AMZ2: variants seen among roughly 807,000 people sequenced by gnomAD.
AMZ2 encodes archaelysin family metallopeptidase 2.
AMZ2 carries 26 observed loss-of-function variants against 36.7 expected under a neutral mutation model. The ratio of observed to expected loss-of-function variants is 0.71; its 90% CI spans 0.52 to 0.98. The LOEUF is 0.98. Ranked by LOEUF, AMZ2 falls within the 50% of genes least tolerant of loss-of-function variation. The pLI, the probability that AMZ2 is intolerant of heterozygous loss-of-function variation, is 0.00. For missense variants in AMZ2, 394 were observed against 430.5 expected, an observed-to-expected ratio of 0.92 and a Z score of 0.75; for synonymous variants, 144 against 149.1, an observed-to-expected ratio of 0.97 and a Z score of 0.25.
At chr17:68,214,472 C>T (rs565313140) in intron 1 of AMZ2, among the ~76,000 whole-genome samples, 2 of 152,124 alleles carry the variant, frequency 1.3e-5, no homozygotes, top group Non-Finnish European at 2.9e-5. Flanking sequence ...CTGTACAGTA[C>T]CTTTCTTCAC....
At chr17:68,207,472 A>G (rs1285810767) in intron 1 of AMZ2, 2 of 152,132 alleles carry the variant, frequency 1.3e-5, no homozygotes, top group Non-Finnish European at 2.9e-5. Context: ...AGCATTAAAA[A>G]AATAAAGTTT....
intron 1 of AMZ2, among the ~76,000 whole-genome samples, chr17:68,209,217 G>A (rs1555725132): frequency 1.4e-5 from 2 of 143,212 alleles, no homozygotes; most frequent in Admixed American, 6.9e-5. Context: ...TTTTTTTGAT[G>A]GAGTCTTGCT....
intron 6 of AMZ2, among the ~76,000 whole-genome samples, chr17:68,256,547 A>T (rs1555742865): frequency 6.6e-6 from 1 of 152,276 alleles, no homozygotes; most frequent in African/African-American, 2.4e-5. Context: ...CTATTATGCT[A>T]GAAACAAAGT....
chr17:68,212,670 G>A (rs1447503227), intron 1 of AMZ2, among the ~76,000 whole-genome samples: 16 of 151,944 alleles, frequency 1.1e-4, no homozygotes, highest in African/African-American at 3.4e-4. Context: ...AGGTTCAAGC[G>A]ATACTCCCAC....
chr17:68,213,415 C>T (rs1211186748), intron 1 of AMZ2, among the ~76,000 whole-genome samples: 1 of 152,198 alleles, frequency 6.6e-6, no homozygotes, highest in Non-Finnish European at 1.5e-5. Context: ...AAGCCCTCTT[C>T]CAGTTCTTAG....
In AMZ2 at chr17:68,224,044, C is replaced by T. The variant is rs1368294364; in HGVS notation, c.-67+17806C>T. 3.5e-5 allele frequency among the ~76,000 whole-genome samples: 5 copies of T among 141,608 alleles called. No homozygotes were observed. The South Asian group carries it at 6.6e-4, about 19-fold the overall frequency. 92.9% of individuals were successfully genotyped at this position (141,608 alleles called of 152,430 possible). On this transcript the variant is annotated intron_variant, in intron 1 of 7. Transcript: ENST00000674770. ...AGCTGGGACTACAGGCGCCCGCCAC[C>T]ACACCCGGCTAATTTTTTGTATTTT...
upstream of AMZ2, among the ~76,000 whole-genome samples, chr17:68,242,993 G>A (rs1221585473): frequency 2.2e-4 from 33 of 149,094 alleles, no homozygotes; most frequent in Non-Finnish European, 3.5e-4. Flanking sequence ...GCAGTGAGCC[G>A]TGATCACACT....
At position 68,251,806 on chromosome 17, in the gene AMZ2, A is replaced by C. The variant is rs1270920671; in HGVS notation, c.586+628A>C. 1.6e-3 allele frequency among the ~76,000 whole-genome samples: 241 copies of C among 152,214 alleles called. 2 individuals are homozygous for C. The highest frequency in any genetic ancestry group is 2.1e-3 in the Non-Finnish European group (142 of 68,038). Reference sequence around the variant, plus strand: ...AATGGATGTGAAAATCTTGCTAATTATTTTTCAATTCTTTTCATAGTCATC... The same window carrying C: ...AATGGATGTGAAAATCTTGCTAATTCTTTTTCAATTCTTTTCATAGTCATC... On this transcript the variant is annotated intron_variant, in intron 4 of 6. Transcript: ENST00000359904.
chr17:68,230,032 T>C (rs1321908711), intron 1 of AMZ2, among the ~76,000 whole-genome samples: 1 of 152,154 alleles, frequency 6.6e-6, no homozygotes, highest in Admixed American at 6.5e-5. Context: ...TTTGCAGTCT[T>C]CAAAGCCCAG....
chr17:68,219,840 C>T (rs1282130908), intron 1 of AMZ2, among the ~76,000 whole-genome samples: 4 of 152,062 alleles, frequency 2.6e-5, no homozygotes, highest in African/African-American at 2.4e-5. Context: ...GACCTCTGTA[C>T]CTTATTTTGA....
At chr17:68,241,902 C>CTTTT (rs1283514739) in intron 1 of AMZ2, among the ~76,000 whole-genome samples, 1 of 142,888 alleles carries the variant, frequency 7.0e-6, no homozygotes, top group Non-Finnish European at 1.5e-5. Context: ...TTTCTTTTTT[C>CTTTT]TTTTTCTTTT....
chr17:68,245,420 CTTTTTTT>C (rs1374619321), upstream of AMZ2, among the ~76,000 whole-genome samples: 5 of 143,490 alleles, frequency 3.5e-5, no homozygotes, highest in Non-Finnish European at 7.6e-5. Context: ...TTTCTTTTTT[CTTTTTTT>C]TTAGAGATGG....
In AMZ2 at chr17:68,248,076, G is replaced by A. The variant is rs2074127856; in HGVS notation, c.-630G>A. 3 of 986,244 alleles carry A rather than the reference G, an allele frequency of 3.0e-6. No homozygotes were observed. The highest frequency in any genetic ancestry group is 9.4e-5 in the South Asian group (2 of 21,362). 61.1% of individuals were successfully genotyped at this position (986,244 alleles called of 1,614,324 possible). A position where few individuals can be genotyped will look rare whatever the true frequency, so the allele number is the denominator to read the frequency against. ...GGGACGCGGTGCGCATGCGCGTGAG[G>A]GCTGCCGCGGGTGGGTGGTATCGAG... On this transcript the variant is annotated 5_prime_UTR_variant, in exon 1 of 7. Coordinates refer to ENST00000359904, the MANE Select transcript of AMZ2 (RefSeq NM_016627.5).
chr17:68,217,713 C>T (rs2073233893), intron 1 of AMZ2, among the ~76,000 whole-genome samples: 1 of 151,700 alleles, frequency 6.6e-6, no homozygotes, highest in Non-Finnish European at 1.5e-5. Flanking sequence ...GTAATGTTAG[C>T]AATTTATAGA....
At chr17:68,251,869 T>G (rs1470339898) in intron 4 of AMZ2, among the ~76,000 whole-genome samples, 2 of 152,378 alleles carry the variant, frequency 1.3e-5, no homozygotes, top group Admixed American at 6.5e-5. Flanking sequence ...AGTGTATGCT[T>G]CTTTCTCATC....
chr17:68,211,738 G>GTGTATATGTATATA (rs1248909647), intron 1 of AMZ2, among the ~76,000 whole-genome samples: 2 of 101,070 alleles, frequency 2.0e-5, no homozygotes, highest in African/African-American at 4.7e-5. Flanking sequence ...ATGTATATAT[G>GTGTATATGTATATA]TGTATATGTA....
chr17:68,243,670 G>A (rs1288077800), upstream of AMZ2, among the ~76,000 whole-genome samples: 1 of 152,144 alleles, frequency 6.6e-6, no homozygotes, highest in Non-Finnish European at 1.5e-5. Flanking sequence ...CTCCATGTCA[G>A]GTTGTTCACC....
chr17:68,207,205 G>C (rs1888773005), intron 1 of AMZ2: 1 of 151,720 alleles, frequency 6.6e-6, no homozygotes, highest in African/African-American at 2.4e-5. Flanking sequence ...CTATTTCTGA[G>C]GAAAAAGCCT....
At chr17:68,207,103 AC>A (rs2072857943) in intron 1 of AMZ2, 1 of 152,238 alleles carries the variant, frequency 6.6e-6, no homozygotes, top group Non-Finnish European at 1.5e-5. Flanking sequence ...GATCATCTAG[AC>A]ATAATTGCTG....
Sources: gnomAD v4.1 joint callset for allele counts (sites outside exome capture counted in the v4.1 genomes callset) on GRCh38, gnomAD v4.1.1 for gene constraint, MANE v1.5 for transcripts, NCBI Gene and HGNC (gene_info 2026-07-23, HGNC 2026-07-21) for gene names.